The following PRAMEF10 variants were observed in gnomAD, a reference collection of about 807,000 sequenced individuals.
PRAMEF10 encodes the protein PRAME family member 10.
PRAMEF10 carries 4 observed loss-of-function variants against 27.7 expected under a neutral mutation model. The observed-to-expected ratio is 0.14, with a 90% CI of 0.07 to 0.33. The LOEUF is 0.33. Among genes scored for constraint, PRAMEF10 ranks in the 10% least tolerant of loss-of-function variants. PRAMEF10 has a pLI of 1.00. For synonymous variants in PRAMEF10, 46 were observed against 176.0 expected, an observed-to-expected ratio of 0.26 and a Z score of 5.85; for missense variants, 99 against 453.9, an observed-to-expected ratio of 0.22 and a Z score of 7.10.
intron 1 of PRAMEF10, among the ~76,000 whole-genome samples, chr1:12,897,724 G>A (rs947600209): frequency 3.4e-5 from 5 of 149,034 alleles, no homozygotes; most frequent in African/African-American, 1.3e-4. Flanking sequence ...AGGCAAGTTG[G>A]CAGTTGGATG....
intron 1 of PRAMEF10, among the ~76,000 whole-genome samples, 170 bp from the exon 2 acceptor site, chr1:12,896,042 C>G (rs1160169461): frequency 6.9e-6 from 1 of 145,642 alleles, no homozygotes; most frequent in Admixed American, 6.9e-5. Flanking sequence ...CTTCTGGTAC[C>G]AAGAAGAGTG....
Position 12,892,984 on chromosome 1 carries a change from C to T in PRAMEF10, c.1357G>A (p.Gly453Ser), listed in dbSNP as rs773361273. The change falls in exon 4 of 4, where the codon GGT becomes AGT. Residue 453 changes from glycine (G) to serine (S), a missense_variant. Gly to Ser is a moderately conservative substitution (Grantham distance 56). Coordinates refer to ENST00000235347, the MANE Select transcript of PRAMEF10 (RefSeq NM_001039361.4). Reference sequence around the variant, plus strand: ...CCACAGTTAGGGCAAGGGACGGGACCAAAGAAGATCCTCTTGGGCTGCCTG... The same window carrying T: ...CCACAGTTAGGGCAAGGGACGGGACTAAAGAAGATCCTCTTGGGCTGCCTG... The part of the protein sequence containing the change: ...EVRQPKRIFF[G>S]PVPCPNCGSW... 9 of 1,576,238 alleles carry T rather than the reference C, an allele frequency of 5.7e-6. 2 individuals are homozygous for T. The highest frequency in any genetic ancestry group is 7.8e-6 in the Non-Finnish European group (9 of 1,154,668).
intron 3 of PRAMEF10, among the ~76,000 whole-genome samples, chr1:12,893,684 G>A (rs2100442516): frequency 1.0e-5 from 1 of 97,936 alleles, no homozygotes; most frequent in Non-Finnish European, 2.1e-5. Flanking sequence ...GCAAGGTGCT[G>A]CCTGATGAAG....
Position 12,893,152 on chromosome 1 carries a change from G to A in PRAMEF10, c.1189C>T (p.Leu397=), listed in dbSNP as rs1641153911. The change falls in exon 4 of 4, where the codon CTG becomes TTG. Residue 397 remains leucine, a synonymous_variant. Transcript: ENST00000235347. The stretch of plus-strand genomic sequence containing the variant: ...CTCAGCCCACGTGTGTGACGCAGCA[G>A]GTCTTTCAGAGCATTCATGGAGGTC... ...NETSMNALKD[L]LRHTRGLSKL... The A allele has an allele frequency of 6.3e-7, 1 of 1,596,502 alleles. No individual in the cohort carries two copies. The highest frequency in any genetic ancestry group is 8.6e-7 in the Non-Finnish European group (1 of 1,167,560).
At chr1:12,896,427 A>G (rs1366168237) in intron 1 of PRAMEF10, among the ~76,000 whole-genome samples, 4 of 150,298 alleles carry the variant, frequency 2.7e-5, no homozygotes, top group South Asian at 4.3e-4. Context: ...CGCATGTTCA[A>G]AATGAACCAC....
chr1:12,893,748 C>T (rs1376844563), intron 3 of PRAMEF10, among the ~76,000 whole-genome samples: 14 of 99,428 alleles, frequency 1.4e-4, no homozygotes, highest in African/African-American at 3.8e-4. Flanking sequence ...TCACCCTTGC[C>T]TGTGTGATTG....
chr1:12,893,735 C>T (rs1217742793), intron 3 of PRAMEF10, among the ~76,000 whole-genome samples: 68 of 98,942 alleles, frequency 6.9e-4, no homozygotes, highest in African/African-American at 2.4e-3. Flanking sequence ...AGGCTCAGTC[C>T]TTTCACCCTT....
At chr1:12,897,436 C>T (rs1319996999) in intron 1 of PRAMEF10, among the ~76,000 whole-genome samples, 1 of 149,920 alleles carries the variant, frequency 6.7e-6, no homozygotes, top group Non-Finnish European at 1.5e-5. Context: ...TGGAGTACAG[C>T]AGTGGTATGA....
rs750043226 is a variant in PRAMEF10 at position 12,893,111 on chromosome 1, C to T, written c.1230G>A (p.Glu410=). 6.3e-7 allele frequency: 1 copy of T among 1,593,760 alleles called. No homozygotes were observed. The highest frequency in any genetic ancestry group is 8.6e-7 in the Non-Finnish European group (1 of 1,165,450). Reference sequence around the variant, plus strand: ...GACTCTCCAGAGGGGCAGGATACAACTCCAGGCCTAACTTGCTCAGCCCAC... The same window carrying T: ...GACTCTCCAGAGGGGCAGGATACAATTCCAGGCCTAACTTGCTCAGCCCAC... ...HTRGLSKLGL[E]LYPAPLESLD... Residue 410 remains glutamate, a synonymous_variant, in exon 4 of 4, where the codon GAG becomes GAA. Coordinates refer to ENST00000235347, the MANE Select transcript of PRAMEF10 (RefSeq NM_001039361.4).
chr1:12,896,092 C>A (rs1226079153), intron 1 of PRAMEF10, among the ~76,000 whole-genome samples: 1 of 148,058 alleles, frequency 6.8e-6, no homozygotes, highest in East Asian at 2.0e-4. Context: ...CCTTCCTAGT[C>A]CATGAATTAT....
At chr1:12,893,636 A>G (rs1641166085) in intron 3 of PRAMEF10, among the ~76,000 whole-genome samples, 162 bp from the exon 4 acceptor site, 1 of 97,516 alleles carries the variant, frequency 1.0e-5, no homozygotes, top group African/African-American at 5.6e-5. Context: ...TTTTACCCAA[A>G]CACAAGTTTG....
At chr1:12,895,434 C>T in intron 2 of PRAMEF10, 127 bp downstream of exon 2, 1 of 363,444 alleles carries the variant, frequency 2.8e-6, no homozygotes, top group South Asian at 3.4e-5. Context: ...ATGGCCAAGG[C>T]CTCTCATGGG....
intron 1 of PRAMEF10, among the ~76,000 whole-genome samples, chr1:12,897,944 G>A (rs1332872385): frequency 1.2e-4 from 17 of 144,540 alleles, no homozygotes; most frequent in African/African-American, 3.5e-4. Flanking sequence ...TGATCCTCCC[G>A]CCTTGGTCTC....
intron 3 of PRAMEF10, among the ~76,000 whole-genome samples, chr1:12,893,776 A>AGT (rs2100442634): frequency 1.0e-5 from 1 of 100,010 alleles, no homozygotes; most frequent in African/African-American, 4.1e-5. Flanking sequence ...TCTCACACCT[A>AGT]CTCCCTCACC....
intron 2 of PRAMEF10, 23 bp from the exon 3 acceptor site, chr1:12,895,187 G>C (rs1465829470): frequency 1.5e-6 from 2 of 1,363,588 alleles, no homozygotes; most frequent in African/African-American, 3.5e-5. Context: ...TAGGGGAAAA[G>C]CTCAGAATGT....
chr1:12,893,317 C>A lies in PRAMEF10; in HGVS notation c.1024G>T (p.Val342Phe), dbSNP rs200195512. 3 of 1,608,952 alleles carry A rather than the reference C, an allele frequency of 1.9e-6. No homozygotes were observed. Among genetic ancestry groups the A allele is most frequent in the Non-Finnish European group, 2.5e-6 (3 of 1,178,570 alleles). Reference protein sequence around the residue: ...MWTTNLEPLGVLLEKVAATLK... With the variant: ...MWTTNLEPLGFLLEKVAATLK... ...GTAGCAGCAACTTTCTCCAGCAGAACTCCAAGGGGCTCAAGATTGGTGGTC... is the reference window on the plus strand; with the variant it reads ...GTAGCAGCAACTTTCTCCAGCAGAAATCCAAGGGGCTCAAGATTGGTGGTC... Residue 342 changes from valine (V) to phenylalanine (F), a missense_variant, in exon 4 of 4, where the codon GTT becomes TTT. Physicochemically the swap from Val to Phe is conservative, Grantham distance 50. Transcript: ENST00000235347.
chr1:12,897,860 T>C (rs1641233964), intron 1 of PRAMEF10, among the ~76,000 whole-genome samples: 1 of 147,626 alleles, frequency 6.8e-6, no homozygotes, highest in Non-Finnish European at 1.5e-5. Flanking sequence ...CCATCCCCCC[T>C]TCAATAAAGA....
At chr1:12,894,036 A>G (rs1345200120) in intron 3 of PRAMEF10, among the ~76,000 whole-genome samples, 4 of 148,774 alleles carry the variant, frequency 2.7e-5, no homozygotes, top group Non-Finnish European at 4.5e-5. Context: ...CAGTCTCCCA[A>G]GCAGCTGGGA....
intron 1 of PRAMEF10, among the ~76,000 whole-genome samples, chr1:12,896,159 G>C (rs1641206462): frequency 6.8e-6 from 1 of 146,092 alleles, no homozygotes; most frequent in African/African-American, 2.5e-5. Flanking sequence ...GATCTCTGAA[G>C]CTCGGATCTC....
Sources: allele counts gnomAD v4.1 joint callset (sites outside exome capture counted in the v4.1 genomes callset), GRCh38; gene constraint gnomAD v4.1.1; transcripts MANE v1.5; gene names NCBI Gene and HGNC (gene_info 2026-07-23, HGNC 2026-07-21).